The following IGF2BP2 variants were observed in gnomAD, a reference collection of about 807,000 sequenced individuals.
The protein encoded by IGF2BP2 is insulin like growth factor 2 mRNA binding protein 2.
Under a neutral mutation model 75.8 loss-of-function variants are expected in IGF2BP2, and 17 were observed. That is an observed-to-expected ratio of 0.22 (90% CI 0.15 to 0.34). The LOEUF (loss-of-function observed/expected upper bound fraction) is 0.34, where lower values mean the gene tolerates loss of function less well. Ranked by LOEUF, IGF2BP2 falls within the 10% of genes least tolerant of loss-of-function variation. The pLI, the probability that IGF2BP2 is intolerant of heterozygous loss-of-function variation, is 1.00. For synonymous variants in IGF2BP2, 288 were observed against 295.6 expected, an observed-to-expected ratio of 0.97 and a Z score of 0.26; for missense variants, 516 against 772.4, an observed-to-expected ratio of 0.67 and a Z score of 3.93.
intron 2 of IGF2BP2, among the ~76,000 whole-genome samples, chr3:185,720,434 G>A (rs149329250): frequency 1.1e-3 from 165 of 152,044 alleles, no homozygotes; most frequent in African/African-American, 3.1e-3. Flanking sequence ...AACTGCGCCC[G>A]GCCCCTTTGG....
chr3:185,793,279 T>C (rs1736887603), intron 2 of IGF2BP2, among the ~76,000 whole-genome samples: 1 of 152,170 alleles, frequency 6.6e-6, no homozygotes, highest in Non-Finnish European at 1.5e-5. Flanking sequence ...TTCTCGCTGG[T>C]GGCCTTGGGA....
At chr3:185,734,937 A>G (rs192869484) in intron 2 of IGF2BP2, among the ~76,000 whole-genome samples, 2 of 152,316 alleles carry the variant, frequency 1.3e-5, no homozygotes, top group Non-Finnish European at 2.9e-5. Context: ...TGGAGATAAG[A>G]GCAGCAGCTC....
At chr3:185,708,993 T>A (rs1011611851) in intron 2 of IGF2BP2, among the ~76,000 whole-genome samples, 3 of 152,192 alleles carry the variant, frequency 2.0e-5, no homozygotes, top group African/African-American at 7.2e-5. Context: ...AAAACCAAAT[T>A]GTGTTTTTAG....
intron 2 of IGF2BP2, among the ~76,000 whole-genome samples, chr3:185,743,434 C>G (rs1480943260): frequency 6.6e-6 from 1 of 152,072 alleles, no homozygotes; most frequent in African/African-American, 2.4e-5. Context: ...TGTCACCACG[C>G]CTGGCTAATT....
chr3:185,795,261 A>T (rs1422273595), intron 2 of IGF2BP2, among the ~76,000 whole-genome samples: 3 of 152,160 alleles, frequency 2.0e-5, no homozygotes, highest in Non-Finnish European at 4.4e-5. Flanking sequence ...TTCATTAGCA[A>T]AATGTCTTCA....
intron 2 of IGF2BP2, among the ~76,000 whole-genome samples, chr3:185,760,441 G>C (rs1235625512): frequency 2.0e-5 from 3 of 152,112 alleles, no homozygotes; most frequent in Admixed American, 6.5e-5. Context: ...ACAGTTCAAT[G>C]ATTTCTAGCA....
chr3:185,716,786 C>G (rs770945618), intron 2 of IGF2BP2: 1 of 519,212 alleles, frequency 1.9e-6, no homozygotes. Flanking sequence ...CCAGGTCATG[C>G]CTGGTTAACA....
chr3:185,784,548 T>A (rs1431999789), intron 2 of IGF2BP2, among the ~76,000 whole-genome samples: 1 of 152,222 alleles, frequency 6.6e-6, no homozygotes, highest in Non-Finnish European at 1.5e-5. Flanking sequence ...GCTACAGAGC[T>A]GGGTACTACT....
At chr3:185,766,123 C>T (rs1733013950) in intron 2 of IGF2BP2, among the ~76,000 whole-genome samples, 1 of 152,080 alleles carries the variant, frequency 6.6e-6, no homozygotes, top group African/African-American at 2.4e-5. Flanking sequence ...ATGCTTTCAC[C>T]TAAATAAAGC....
chr3:185,671,365 G>A (rs1019527216), intron 10 of IGF2BP2, among the ~76,000 whole-genome samples: 1 of 151,948 alleles, frequency 6.6e-6, no homozygotes, highest in Non-Finnish European at 1.5e-5. Flanking sequence ...GGCCAACATG[G>A]TGAAACCCCT....
At chr3:185,658,975 G>A (rs1369100226) in intron 10 of IGF2BP2, among the ~76,000 whole-genome samples, 1 of 152,172 alleles carries the variant, frequency 6.6e-6, no homozygotes, top group Non-Finnish European at 1.5e-5. Context: ...TGAGCTTTGG[G>A]AATCTGAAAT....
intron 2 of IGF2BP2, among the ~76,000 whole-genome samples, chr3:185,727,483 G>A (rs1382303133): frequency 2.0e-5 from 3 of 152,234 alleles, no homozygotes; most frequent in Admixed American, 1.3e-4. Flanking sequence ...AGGTTGAACA[G>A]GTGAACAAAA....
intron 2 of IGF2BP2, chr3:185,768,017 A>G (rs1733329223): frequency 6.6e-6 from 1 of 152,214 alleles, no homozygotes; most frequent in Admixed American, 6.5e-5. Context: ...CCAGATCCTC[A>G]GCCCTTATAT....
chr3:185,738,230 C>CTA (rs1190421128), intron 2 of IGF2BP2, among the ~76,000 whole-genome samples: 3 of 152,164 alleles, frequency 2.0e-5, no homozygotes, highest in African/African-American at 4.8e-5. Context: ...CTTCAAAAGA[C>CTA]ATTAACTGAG....
intron 2 of IGF2BP2, among the ~76,000 whole-genome samples, chr3:185,811,382 A>C (rs149891824): frequency 6.6e-6 from 1 of 152,174 alleles, no homozygotes; most frequent in Non-Finnish European, 1.5e-5. Context: ...AGTGTCTTCA[A>C]CAATGTTTTA....
chr3:185,682,275 G>C (rs913800651), intron 7 of IGF2BP2, among the ~76,000 whole-genome samples: 2 of 152,194 alleles, frequency 1.3e-5, no homozygotes, highest in Non-Finnish European at 2.9e-5. Flanking sequence ...TTAATCACCT[G>C]CATTAATTAA....
intron 13 of IGF2BP2, among the ~76,000 whole-genome samples, chr3:185,650,692 G>GAAA (rs554627154): frequency 7.2e-6 from 1 of 138,390 alleles, no homozygotes; most frequent in South Asian, 2.3e-4. Context: ...AATAAAAACT[G>GAAA]AAAAAAAAAA....
intron 10 of IGF2BP2, among the ~76,000 whole-genome samples, chr3:185,662,067 C>T (rs1268368603): frequency 6.6e-6 from 1 of 152,116 alleles, no homozygotes; most frequent in African/African-American, 2.4e-5. Context: ...ACTTGACACT[C>T]AGCAGGACAG....
rs35598775 is a variant in IGF2BP2, at chr3:185,742,186, T to TAA, written c.240-43841_240-43840dup. Among the ~76,000 whole-genome samples the TAA allele has an allele frequency of 8.1e-3, 1,100 of 135,674 alleles. 6 individuals carry two copies. The highest frequency in any genetic ancestry group is 0.012 in the Middle Eastern group (3 of 248). The allele number at this position is 135,674 out of a possible 152,430, so 89.0% of individuals were successfully genotyped here. On this transcript the variant is annotated intron_variant, in intron 2 of 15. Coordinates refer to ENST00000382199, the MANE Select transcript of IGF2BP2 (RefSeq NM_006548.6). ...GGCAACACAGTGAGAGCCCACCTCT[T>TAA]AAAAAAAAAAAAAAAAAAATTAGCC...
Sources: allele counts gnomAD v4.1 joint callset (sites outside exome capture counted in the v4.1 genomes callset), GRCh38; gene constraint gnomAD v4.1.1; transcripts MANE v1.5; gene names NCBI Gene and HGNC (gene_info 2026-07-23, HGNC 2026-07-21).